The following PHF7 variants were observed in gnomAD, a reference collection of about 807,000 sequenced individuals.
The protein encoded by PHF7 is PHD finger protein 7, also known as E3 ubiquitin-protein ligase PHF7.
Under a neutral mutation model 47.5 loss-of-function variants are expected in PHF7, and 24 were observed. That is an observed-to-expected ratio of 0.51 (90% CI 0.37 to 0.71). PHF7 has a LOEUF of 0.71. Among genes scored for constraint, PHF7 ranks in the 30% least tolerant of loss-of-function variants. The probability of loss-of-function intolerance (pLI) is 0.00; values close to 1 mark genes in which losing one functional copy is unlikely to be tolerated. For missense variants in PHF7, 361 were observed against 456.8 expected, an observed-to-expected ratio of 0.79 and a Z score of 1.91; for synonymous variants, 156 against 153.8, an observed-to-expected ratio of 1.01 and a Z score of -0.11.
chr3:52,418,382 TATAG>T (rs1213118505), intron 4 of PHF7, among the ~76,000 whole-genome samples: 2 of 152,182 alleles, frequency 1.3e-5, no homozygotes, highest in African/African-American at 2.4e-5. Flanking sequence ...GTATAGAACA[TATAG>T]ATATAGTTTT....
chr3:52,412,229 G>A (rs750214170), intron 1 of PHF7, among the ~76,000 whole-genome samples: 3 of 152,062 alleles, frequency 2.0e-5, no homozygotes, highest in African/African-American at 7.2e-5. Flanking sequence ...TAGAGCCTAG[G>A]GGGTGTTTGT....
chr3:52,417,317 T>A (rs1705655674), intron 4 of PHF7, among the ~76,000 whole-genome samples: 1 of 152,266 alleles, frequency 6.6e-6, no homozygotes, highest in Middle Eastern at 3.4e-3. Context: ...TGTCAATTTT[T>A]CTTTAAAAAA....
rs781142914 is a variant in PHF7, at chr3:52,412,932, T to C, written c.41+12T>C. 2 of 1,602,994 alleles carry C rather than the reference T, an allele frequency of 1.2e-6. No individual in the cohort carries two copies. The highest frequency in any genetic ancestry group is 8.5e-7 in the Non-Finnish European group (1 of 1,170,910). On this transcript the variant is annotated intron_variant, in intron 2 of 10. Coordinates refer to ENST00000327906, the MANE Select transcript of PHF7 (RefSeq NM_016483.7). ...TGCCAGAGATTGAGGTAGAAGTAGT[T>C]GACATAGGGAATTTGGGAGAAATTG...
chr3:52,419,879 T>C lies in PHF7; in HGVS notation c.233T>C (p.Phe78Ser). ...LPQRGQSNRG[F>S]HGFLPEDIKK... ...CAGAGGGGCCAGTCCAACAGAGGCT[T>C]CCATGGATTTCTGCCTGAAGACATC... is the stretch of plus-strand genomic sequence containing the variant. The change falls in exon 5 of 11, where the codon TTC becomes TCC. Residue 78 changes from phenylalanine (F) to serine (S), a missense_variant. By Grantham distance (155) the Phe-to-Ser change is radical. Transcript: ENST00000327906. The C allele has an allele frequency of 1.2e-6, 2 of 1,610,764 alleles. No individual in the cohort carries two copies. The highest frequency in any genetic ancestry group is 1.7e-6 in the Non-Finnish European group (2 of 1,178,246).
At chr3:52,422,096 G>T (rs1705808013) in intron 8 of PHF7, 126 bp from the exon 9 acceptor site, 2 of 738,544 alleles carry the variant, frequency 2.7e-6, no homozygotes, top group South Asian at 1.5e-5. Flanking sequence ...AGCCTTGTTG[G>T]AAGTGTTCAG....
At chr3:52,421,229 GGTC>G in intron 7 of PHF7, among the ~76,000 whole-genome samples, 167 bp downstream of exon 7, 1 of 152,188 alleles carries the variant, frequency 6.6e-6, no homozygotes, top group Admixed American at 6.5e-5. Flanking sequence ...TCCAGTCTGT[GGTC>G]ATTCCTGGCC....
chr3:52,414,136 C>T, intron 3 of PHF7, 88 bp downstream of exon 3: 1 of 842,162 alleles, frequency 1.2e-6, no homozygotes, highest in African/African-American at 1.7e-5. Flanking sequence ...CTTGCTTCTT[C>T]TCTCTCTCCC....
At chr3:52,418,911 G>A (rs970022445) in intron 4 of PHF7, among the ~76,000 whole-genome samples, 10 of 151,530 alleles carry the variant, frequency 6.6e-5, no homozygotes, top group Admixed American at 2.0e-4. Context: ...GGGTTCAAGC[G>A]ATTCTCCTGC....
In PHF7 at chr3:52,418,953, G is replaced by A. The variant is rs1259141063; in HGVS notation, c.187-880G>A. Reference sequence around the variant, plus strand: ...CTCCCGAGTAGCTGGGATTACAGGCGCGCACCACCATGCCCTAGTTTTTGT... The same window carrying A: ...CTCCCGAGTAGCTGGGATTACAGGCACGCACCACCATGCCCTAGTTTTTGT... On this transcript the variant is annotated intron_variant, in intron 4 of 10. Transcript: ENST00000327906. Among the ~76,000 whole-genome samples the A allele has an allele frequency of 4.0e-5, 6 of 151,816 alleles. No homozygotes were observed. The South Asian group carries it at 6.3e-4, about 16-fold the overall frequency.
chr3:52,420,132 T>C (rs1228812433), intron 5 of PHF7, 179 bp from the exon 6 acceptor site: 19 of 812,124 alleles, frequency 2.3e-5, no homozygotes, highest in South Asian at 4.2e-5. Context: ...CTTGAGAAAA[T>C]AGGAAAGAAC....
intron 3 of PHF7, 139 bp from the exon 4 acceptor site, chr3:52,414,357 C>T (rs966951158): frequency 1.5e-6 from 1 of 667,706 alleles, no homozygotes; most frequent in Non-Finnish European, 2.7e-6. Flanking sequence ...AGACCTCATC[C>T]CAACCTTCCT....
chr3:52,420,972 C>G lies in PHF7; in HGVS notation c.483C>G (p.Ile161Met), dbSNP rs1487910463. The change falls in exon 7 of 11, where the codon ATC becomes ATG. Residue 161 changes from isoleucine to methionine, a missense_variant. Ile to Met is a conservative substitution (Grantham distance 10). Transcript: ENST00000327906. ...QHGHVGEESCILCCEDLSQQS... is the reference protein window; with the variant it reads ...QHGHVGEESCMLCCEDLSQQS... The stretch of plus-strand genomic sequence containing the variant: ...GGCATGTGGGGGAGGAAAGCTGCAT[C>G]TTATGTTGTGAAGACTTATCCCAAC... 2 of 1,613,738 alleles carry G rather than the reference C, an allele frequency of 1.2e-6. No homozygotes were observed. The highest frequency in any genetic ancestry group is 8.5e-7 in the Non-Finnish European group (1 of 1,179,700).
chr3:52,419,339 C>T (rs948829637), intron 4 of PHF7, among the ~76,000 whole-genome samples: 5 of 152,054 alleles, frequency 3.3e-5, no homozygotes, highest in African/African-American at 9.7e-5. Context: ...TTTGAAACCA[C>T]TTAGAGTATT....
intron 8 of PHF7, chr3:52,421,966 T>C: frequency 1.7e-6 from 1 of 589,870 alleles, no homozygotes; most frequent in Non-Finnish European, 3.0e-6. Context: ...AAAAGGGCAT[T>C]TGGGGAATCA....
intron 4 of PHF7, chr3:52,414,866 G>A (rs565158101): frequency 2.9e-4 from 46 of 160,694 alleles, no homozygotes; most frequent in African/African-American, 1.1e-3. Flanking sequence ...AAAAAAAGCT[G>A]GGTATAGTGA....
chr3:52,423,412 G>A lies in PHF7; in HGVS notation c.*95G>A. 2.7e-6 allele frequency: 2 copies of A among 742,102 alleles called. No individual in the cohort carries two copies. Among genetic ancestry groups the A allele is most frequent in the Non-Finnish European group, 4.6e-6 (2 of 439,174 alleles). The allele number at this position is 742,102 out of a possible 1,614,324, so 46.0% of individuals were successfully genotyped here. A position where few individuals can be genotyped will look rare whatever the true frequency, so the allele number is the denominator to read the frequency against. On this transcript the variant is annotated 3_prime_UTR_variant, in exon 11 of 11. Coordinates refer to ENST00000327906, the MANE Select transcript of PHF7 (RefSeq NM_016483.7). ...GGAGCACTCTGGGACTGTGAGACAA[G>A]GAAGCAGGGCCAGCAGTGAGACTAT... is the stretch of plus-strand genomic sequence containing the variant.
intron 2 of PHF7, among the ~76,000 whole-genome samples, chr3:52,413,364 G>A (rs1439985502): frequency 6.6e-6 from 1 of 152,166 alleles, no homozygotes; most frequent in Non-Finnish European, 1.5e-5. Context: ...CTTTGTAAAG[G>A]TGGTACCACC....
chr3:52,419,756 C>T (rs771097258), intron 4 of PHF7, 77 bp from the exon 5 acceptor site: 14 of 845,718 alleles, frequency 1.7e-5, no homozygotes, highest in Non-Finnish European at 2.6e-5. Context: ...AGCTCTCTTA[C>T]CCTGTCCTTC....
intron 7 of PHF7, 139 bp from the exon 8 acceptor site, chr3:52,421,509 C>G (rs910421997): frequency 3.1e-6 from 2 of 654,910 alleles, no homozygotes; most frequent in South Asian, 3.2e-5. Flanking sequence ...CAGCCCTCAC[C>G]CTAGCCCACC....
Sources: allele counts gnomAD v4.1 joint callset (sites outside exome capture counted in the v4.1 genomes callset), GRCh38; gene constraint gnomAD v4.1.1; transcripts MANE v1.5; gene names NCBI Gene and HGNC (gene_info 2026-07-23, HGNC 2026-07-21).